TBC1D2: variants seen among roughly 807,000 people sequenced by gnomAD.
The protein encoded by TBC1D2 is TBC1 domain family member 2, also known as TBC1 domain family member 2A.
In TBC1D2, 58 loss-of-function variants were observed where a neutral mutation model predicts 91.1. The ratio of observed to expected loss-of-function variants is 0.64; its 90% CI spans 0.52 to 0.79. The LOEUF is 0.79. TBC1D2 is among the 30% of genes least tolerant of loss of function. TBC1D2 has a pLI of 0.00. For synonymous variants in TBC1D2, 482 were observed against 511.5 expected, an observed-to-expected ratio of 0.94 and a Z score of 0.78; for missense variants, 1,080 against 1,208.3, an observed-to-expected ratio of 0.89 and a Z score of 1.57.
At chr9:98,241,719 C>G (rs1489986802) in intron 3 of TBC1D2, among the ~76,000 whole-genome samples, 1 of 152,194 alleles carries the variant, frequency 6.6e-6, no homozygotes, top group East Asian at 1.9e-4. Flanking sequence ...CAGGCCCCCT[C>G]TCTACCCCAG....
intron 9 of TBC1D2, 151 bp downstream of exon 9, chr9:98,208,517 C>T: frequency 1.4e-6 from 1 of 697,142 alleles, no homozygotes; most frequent in Non-Finnish European, 2.4e-6. Flanking sequence ...GGAGGCAGAG[C>T]TCAGGTGGTA....
intron 5 of TBC1D2, among the ~76,000 whole-genome samples, chr9:98,221,570 T>C (rs1829102853): frequency 6.6e-6 from 1 of 152,192 alleles, no homozygotes. Context: ...TTCTCTTTGC[T>C]TCTGGCTGGG....
chr9:98,244,794 C>T (rs1829731112), intron 2 of TBC1D2, among the ~76,000 whole-genome samples: 2 of 151,840 alleles, frequency 1.3e-5, no homozygotes, highest in South Asian at 2.1e-4. Context: ...ACAATAGCCT[C>T]AAGTTGGAAA....
intron 1 of TBC1D2, 29 bp downstream of exon 1, chr9:98,255,144 G>T: frequency 6.3e-7 from 1 of 1,580,202 alleles, no homozygotes; most frequent in Non-Finnish European, 8.6e-7. Context: ...CACGCCGCTG[G>T]AAAGGAGAAA....
chr9:98,212,348 A>C (rs966863168), intron 7 of TBC1D2, among the ~76,000 whole-genome samples: 1 of 151,842 alleles, frequency 6.6e-6, no homozygotes, highest in Non-Finnish European at 1.5e-5. Flanking sequence ...CGTCTTTACT[A>C]TGCTGTCTCT....
At chr9:98,200,963 C>T (rs1224615301) in intron 11 of TBC1D2, among the ~76,000 whole-genome samples, 3 of 149,980 alleles carry the variant, frequency 2.0e-5, no homozygotes, top group Admixed American at 6.7e-5. Flanking sequence ...TTGCAGTGAG[C>T]GGAGATCGTG....
chr9:98,252,021 T>G (rs1829884247), intron 1 of TBC1D2, 95 bp from the exon 2 acceptor site: 1 of 1,473,940 alleles, frequency 6.8e-7, no homozygotes, highest in African/African-American at 1.5e-5. Flanking sequence ...TTAGGAATGC[T>G]TTCTTTCCCA....
At chr9:98,227,608 A>C (rs1048531467) in intron 5 of TBC1D2, among the ~76,000 whole-genome samples, 4 of 113,988 alleles carry the variant, frequency 3.5e-5, no homozygotes, top group South Asian at 2.3e-4. Context: ...AATACTAAAA[A>C]CAAAAACCAA....
intron 3 of TBC1D2, among the ~76,000 whole-genome samples, chr9:98,242,859 C>T (rs1829679774): frequency 8.1e-6 from 1 of 123,170 alleles, no homozygotes; most frequent in Non-Finnish European, 1.6e-5. Flanking sequence ...GTTGCTCAGG[C>T]TAGGATGAAG....
At chr9:98,234,059 T>C (rs1264313715) in intron 3 of TBC1D2, among the ~76,000 whole-genome samples, 2 of 152,174 alleles carry the variant, frequency 1.3e-5, no homozygotes, top group African/African-American at 2.4e-5. Context: ...CCTGGCATCT[T>C]TCCCTGCTTG....
intron 3 of TBC1D2, among the ~76,000 whole-genome samples, chr9:98,234,158 G>T (rs1829445448): frequency 1.3e-5 from 2 of 152,258 alleles, no homozygotes; most frequent in African/African-American, 4.8e-5. Context: ...TCGCAGCGGG[G>T]TCACCCTTTG....
chr9:98,244,686 C>T (rs1231389006), intron 2 of TBC1D2, among the ~76,000 whole-genome samples: 1 of 113,836 alleles, frequency 8.8e-6, no homozygotes, highest in African/African-American at 3.0e-5. Context: ...AAAAAAAAGG[C>T]AGACCTACAG....
At chr9:98,209,545 T>C (rs2119025807) in intron 8 of TBC1D2, among the ~76,000 whole-genome samples, 1 of 152,100 alleles carries the variant, frequency 6.6e-6, no homozygotes, top group East Asian at 1.9e-4. Flanking sequence ...AGCGCAGGGG[T>C]GGACGGGGAA....
Position 98,233,561 on chromosome 9 carries a change from C to A in TBC1D2, c.648-12G>T. 1 of 1,613,590 alleles carries A rather than the reference C, an allele frequency of 6.2e-7. No homozygotes were observed. Among genetic ancestry groups the A allele is most frequent in the Non-Finnish European group, 8.5e-7 (1 of 1,179,716 alleles). ...TGTGCATTGTGTTCCTGAAAGGAGA[C>A]AAGAACAGAGGAGCATGAGGCTGAA... On this transcript the variant is annotated splice_polypyrimidine_tract_variant and intron_variant, in intron 3 of 12. Coordinates refer to ENST00000465784, the MANE Select transcript of TBC1D2 (RefSeq NM_001267571.2).
chr9:98,255,342 C>A lies in TBC1D2; in HGVS notation c.200G>T (p.Arg67Leu), dbSNP rs1829952294. The A allele has an allele frequency of 2.5e-6, 4 of 1,614,132 alleles. No homozygotes were observed. Among genetic ancestry groups the A allele is most frequent in the Non-Finnish European group, 1.7e-6 (2 of 1,180,050 alleles). Residue 67 changes from arginine to leucine, a missense_variant, in exon 1 of 13, where the codon CGC becomes CTC. Arg to Leu is a moderately radical substitution (Grantham distance 102). Transcript: ENST00000465784. ...TTTCCTTTCGTCGTAGAAGAACCAG[C>A]GGGATTTCCAGCCCCGGATGGGCCC... ...GKGPIRGWKS[R>L]WFFYDERKCQ...
At chr9:98,211,505 T>A (rs10217458) in intron 7 of TBC1D2, among the ~76,000 whole-genome samples, 16,556 of 152,156 alleles carry the variant, frequency 0.11, 1,004 homozygotes, top group Non-Finnish European at 0.13. Flanking sequence ...AGCTGGGTGG[T>A]GCTAGGCAAG....
chr9:98,223,292 T>A (rs932163054), intron 5 of TBC1D2, among the ~76,000 whole-genome samples: 1 of 152,118 alleles, frequency 6.6e-6, no homozygotes. Context: ...GCCCTCCAGA[T>A]GTGGCCAAGC....
rs1314493340 is a variant in TBC1D2 at position 98,199,598 on chromosome 9, G to A, written c.2580-10C>T. 6.2e-7 allele frequency: 1 copy of A among 1,613,792 alleles called. No homozygotes were observed. Among genetic ancestry groups the A allele is most frequent in the South Asian group, 1.1e-5 (1 of 91,072 alleles). On this transcript the variant is annotated splice_polypyrimidine_tract_variant and intron_variant, in intron 12 of 12. Coordinates refer to ENST00000465784, the MANE Select transcript of TBC1D2 (RefSeq NM_001267571.2). ...GATGTTCATCAGCTTCCTGGGAGGA[G>A]GGCACAATCAGCCCAGAGCACGTCA...
At chr9:98,205,731 T>A (rs1052733413) in intron 9 of TBC1D2, among the ~76,000 whole-genome samples, 6 of 152,162 alleles carry the variant, frequency 3.9e-5, no homozygotes, top group African/African-American at 1.4e-4. Context: ...TTCGTTTTTT[T>A]AATTTTTTGT....
Sources: allele counts gnomAD v4.1 joint callset (sites outside exome capture counted in the v4.1 genomes callset), GRCh38; gene constraint gnomAD v4.1.1; transcripts MANE v1.5; gene names NCBI Gene and HGNC (gene_info 2026-07-23, HGNC 2026-07-21).